GBE1: variants seen among roughly 807,000 people sequenced by gnomAD.
The protein encoded by GBE1 is 1,4-alpha-glucan-branching enzyme.
In GBE1, 70 loss-of-function variants were observed where a neutral mutation model predicts 88.8. The ratio of observed to expected loss-of-function variants is 0.79; its 90% CI spans 0.65 to 0.96. GBE1 has a LOEUF of 0.96. GBE1 is among the 40% of genes least tolerant of loss of function. The pLI, the probability that GBE1 is intolerant of heterozygous loss-of-function variation, is 0.00. For missense variants in GBE1, 872 were observed against 871.0 expected, an observed-to-expected ratio of 1.00 and a Z score of -0.01; for synonymous variants, 284 against 300.1, an observed-to-expected ratio of 0.95 and a Z score of 0.56.
intron 14 of GBE1, among the ~76,000 whole-genome samples, chr3:81,532,044 C>A: frequency 6.6e-6 from 1 of 151,934 alleles, no homozygotes; most frequent in East Asian, 2.0e-4. Context: ...GTTTTCCCTC[C>A]CCTAAGCAAA....
chr3:81,587,199 CAAAT>C (rs1211165212), intron 9 of GBE1, among the ~76,000 whole-genome samples: 1 of 152,018 alleles, frequency 6.6e-6, no homozygotes, highest in African/African-American at 2.4e-5. Flanking sequence ...AATAATTAAT[CAAAT>C]AAATAAAAGT....
chr3:81,750,607 A>ATG (rs1706500904), intron 1 of GBE1, among the ~76,000 whole-genome samples: 1 of 80,142 alleles, frequency 1.2e-5, no homozygotes, highest in Non-Finnish European at 2.1e-5. Context: ...ATATGTGTAT[A>ATG]TATATATATG....
chr3:81,586,176 C>T lies in GBE1; in HGVS notation c.1251G>A (p.Met417Ile). Residue 417 changes from methionine (M) to isoleucine (I), a missense_variant, in exon 10 of 16, where the codon ATG becomes ATA. By Grantham distance (10) the Met-to-Ile change is conservative. Transcript: ENST00000429644. Reference protein sequence around the residue: ...SITIAEDVSGMPALCSPISQG... With the variant: ...SITIAEDVSGIPALCSPISQG... ...GGGAAATTGGAGAGCACAGAGCTGG[C>T]ATTCCTGATACATCCTACAACAAAG... 1 of 1,604,136 alleles carries T rather than the reference C, an allele frequency of 6.2e-7. No homozygotes were observed. Among genetic ancestry groups the T allele is most frequent in the Non-Finnish European group, 8.5e-7 (1 of 1,175,646 alleles).
chr3:81,755,692 C>T (rs1706592266), intron 1 of GBE1, among the ~76,000 whole-genome samples: 1 of 151,968 alleles, frequency 6.6e-6, no homozygotes, highest in South Asian at 2.1e-4. Context: ...AACTGGAGAC[C>T]ATTATGTTAA....
intron 7 of GBE1, among the ~76,000 whole-genome samples, chr3:81,616,506 G>T (rs536983924): frequency 3.0e-4 from 45 of 152,178 alleles, no homozygotes; most frequent in Non-Finnish European, 5.3e-4. Flanking sequence ...AATTAGTCGT[G>T]CATATTTGCG....
At chr3:81,530,425 A>G (rs1252481009) in intron 14 of GBE1, among the ~76,000 whole-genome samples, 1 of 151,784 alleles carries the variant, frequency 6.6e-6, no homozygotes, top group Non-Finnish European at 1.5e-5. Context: ...ATAATTAGGT[A>G]TTTATTGTAG....
rs1019417084 is a variant in GBE1 at position 81,733,452 on chromosome 3, C to A, written c.144-27839G>T. On this transcript the variant is annotated intron_variant, in intron 1 of 15. Coordinates refer to ENST00000429644, the MANE Select transcript of GBE1 (RefSeq NM_000158.4). The surrounding 1 kb of genome is among the most constrained non-coding windows in gnomAD (Gnocchi z 4.0). ...GAATCATCCCAAAACAATCCCCTGC[C>A]CCCCATTCATGGAAAAATTGTCTTC... 1.3e-5 allele frequency among the ~76,000 whole-genome samples: 2 copies of A among 152,038 alleles called. No individual in the cohort carries two copies. Among genetic ancestry groups the A allele is most frequent in the Admixed American group, 6.6e-5 (1 of 15,242 alleles).
At chr3:81,540,258 T>C (rs1703127471) in intron 12 of GBE1, among the ~76,000 whole-genome samples, 1 of 151,994 alleles carries the variant, frequency 6.6e-6, no homozygotes, top group Admixed American at 6.6e-5. Flanking sequence ...GGAAGGCTGT[T>C]AAAAATGTTC....
intron 6 of GBE1, among the ~76,000 whole-genome samples, chr3:81,643,641 T>A (rs1190446280): frequency 6.6e-6 from 1 of 152,166 alleles, no homozygotes; most frequent in East Asian, 1.9e-4. Context: ...ATCCACAGCA[T>A]CAACTTTGCC....
At chr3:81,741,860 T>C (rs925698711) in intron 1 of GBE1, among the ~76,000 whole-genome samples, 3 of 147,724 alleles carry the variant, frequency 2.0e-5, no homozygotes, top group Non-Finnish European at 4.5e-5. Flanking sequence ...TATAGTTTTT[T>C]ATATATAATA....
intron 14 of GBE1, among the ~76,000 whole-genome samples, chr3:81,524,011 C>T (rs548710834): frequency 1.3e-5 from 2 of 151,822 alleles, no homozygotes; most frequent in African/African-American, 4.8e-5. Context: ...TGGGTGTATA[C>T]CTAGCAGTGG....
At chr3:81,609,768 G>A (rs1704147950) in intron 7 of GBE1, among the ~76,000 whole-genome samples, 1 of 151,930 alleles carries the variant, frequency 6.6e-6, no homozygotes. Context: ...TAATATTGTT[G>A]GTTGCTAATG....
intron 12 of GBE1, among the ~76,000 whole-genome samples, chr3:81,545,318 T>C (rs1703192503): frequency 6.6e-6 from 1 of 152,186 alleles, no homozygotes; most frequent in Non-Finnish European, 1.5e-5. Context: ...TGTTTCTCTG[T>C]CATTCTCCAC....
intron 1 of GBE1, among the ~76,000 whole-genome samples, chr3:81,739,055 C>A (rs1706312950): frequency 6.6e-6 from 1 of 152,086 alleles, no homozygotes; most frequent in South Asian, 2.1e-4. Context: ...GGTAAATGAG[C>A]TTCTTCGTGC....
At chr3:81,649,308 C>A (rs997062935) in intron 4 of GBE1, among the ~76,000 whole-genome samples, 1 of 151,938 alleles carries the variant, frequency 6.6e-6, no homozygotes, top group Non-Finnish European at 1.5e-5. Flanking sequence ...AAGTATATAT[C>A]AACAAACTCC....
chr3:81,577,271 C>T (rs2106932665), intron 12 of GBE1, among the ~76,000 whole-genome samples: 1 of 152,142 alleles, frequency 6.6e-6, no homozygotes, highest in Admixed American at 6.6e-5. Flanking sequence ...ATAAAACAGC[C>T]TTTTGTATAT....
At chr3:81,709,514 T>A (rs1282743896) in intron 1 of GBE1, among the ~76,000 whole-genome samples, 1 of 152,148 alleles carries the variant, frequency 6.6e-6, no homozygotes, top group Non-Finnish European at 1.5e-5. Flanking sequence ...AACTACTGAT[T>A]TTCCAAAAAG....
chr3:81,631,401 G>C (rs1704506404), intron 7 of GBE1, among the ~76,000 whole-genome samples: 1 of 151,994 alleles, frequency 6.6e-6, no homozygotes, highest in Admixed American at 6.6e-5. Flanking sequence ...TTAAAACACA[G>C]TAGACCGGTA....
At chr3:81,558,672 C>T (rs1419658210) in intron 12 of GBE1, among the ~76,000 whole-genome samples, 1 of 151,948 alleles carries the variant, frequency 6.6e-6, no homozygotes, top group Non-Finnish European at 1.5e-5. Flanking sequence ...GGAAACAAAA[C>T]CATGCTTAAA....
Sources: gnomAD v4.1 joint callset for allele counts (sites outside exome capture counted in the v4.1 genomes callset) on GRCh38, gnomAD v4.1.1 for gene constraint, Gnocchi (gnomAD v3.1) non-coding constraint, MANE v1.5 for transcripts, NCBI Gene and HGNC (gene_info 2026-07-23, HGNC 2026-07-21) for gene names.